SNRNP200: variants seen among roughly 807,000 people sequenced by gnomAD.
SNRNP200 encodes small nuclear ribonucleoprotein U5 subunit 200.
SNRNP200 carries 66 observed loss-of-function variants against 255.2 expected under a neutral mutation model. The ratio of observed to expected loss-of-function variants is 0.26; its 90% CI spans 0.21 to 0.32. The LOEUF (loss-of-function observed/expected upper bound fraction) is 0.32, where lower values mean the gene tolerates loss of function less well. Among genes scored for constraint, SNRNP200 ranks in the 10% least tolerant of loss-of-function variants. The pLI, the probability that SNRNP200 is intolerant of heterozygous loss-of-function variation, is 1.00. For missense variants in SNRNP200, 1,585 were observed against 2,749.8 expected, an observed-to-expected ratio of 0.58 and a Z score of 9.47; for synonymous variants, 939 against 1,027.8, an observed-to-expected ratio of 0.91 and a Z score of 1.65.
Position 96,277,531 on chromosome 2 carries a change from C to T in SNRNP200, c.5931+8G>A. On this transcript the variant is annotated splice_region_variant and intron_variant, in intron 41 of 44. Transcript: ENST00000323853. The surrounding 1 kb of genome is among the most constrained non-coding windows in gnomAD (Gnocchi z 4.4). ...ACCCACCTGACCCTCTAGGCTGACC[C>T]GGCTCACCTTGTCTGTGCAACGTTT... The T allele has an allele frequency of 1.2e-6, 2 of 1,612,322 alleles. No individual in the cohort carries two copies. Among genetic ancestry groups the T allele is most frequent in the Non-Finnish European group, 8.5e-7 (1 of 1,180,024 alleles).
At position 96,281,937 on chromosome 2, in the gene SNRNP200, G is replaced by A. The variant is rs764303474; in HGVS notation, c.4916-15C>T. ...CTGGATAGCCCCTGAGCAGTAGAGG[G>A]GAGAGGAAGGCTGAGGGCAGGGGTC... On this transcript the variant is annotated splice_polypyrimidine_tract_variant and intron_variant, in intron 34 of 44. Coordinates refer to ENST00000323853, the MANE Select transcript of SNRNP200 (RefSeq NM_014014.5). 4 of 1,605,348 alleles carry A rather than the reference G, an allele frequency of 2.5e-6. No individual in the cohort carries two copies. The highest frequency in any genetic ancestry group is 3.4e-6 in the Non-Finnish European group (4 of 1,172,224).
In SNRNP200 at chr2:96,285,264, T is replaced by A. The variant is rs547112938; in HGVS notation, c.4080A>T (p.Ala1360=). 2.9e-4 allele frequency: 472 copies of A among 1,614,172 alleles called. 7 individuals are homozygous for A. The South Asian group carries it at 4.9e-3, about 17-fold the overall frequency. Residue 1360 remains alanine (A), a synonymous_variant, in exon 30 of 45, where the codon GCA becomes GCT. Coordinates refer to ENST00000323853, the MANE Select transcript of SNRNP200 (RefSeq NM_014014.5). The part of the protein sequence containing the change: ...APTGSGKTIC[A]EFAILRMLLQ... ...GCAGCATTCGCAGGATGGCAAACTC[T>A]GCACAAATAGTCTTCCCGCTGCCCG...
chr2:96,283,088 T>C lies in SNRNP200; in HGVS notation c.4915+113A>G. The C allele has an allele frequency of 7.2e-7, 1 of 1,382,366 alleles. No individual in the cohort carries two copies. The highest frequency in any genetic ancestry group is 1.0e-6 in the Non-Finnish European group (1 of 981,880). 85.6% of individuals were successfully genotyped at this position (1,382,366 alleles called of 1,614,324 possible). A position where few individuals can be genotyped will look rare whatever the true frequency, so the allele number is the denominator to read the frequency against. ...TAACAGCCAAGAGTCCTAAACAGTATTTTGAAAATCTCTGGTATGCTGTAG... is the reference window on the plus strand; with the variant it reads ...TAACAGCCAAGAGTCCTAAACAGTACTTTGAAAATCTCTGGTATGCTGTAG... On this transcript the variant is annotated intron_variant, in intron 34 of 44. Coordinates refer to ENST00000323853, the MANE Select transcript of SNRNP200 (RefSeq NM_014014.5). The surrounding 1 kb of genome is among the most constrained non-coding windows in gnomAD (Gnocchi z 4.7).
intron 24 of SNRNP200, 66 bp from the exon 25 acceptor site, chr2:96,288,035 A>G: frequency 2.8e-6 from 4 of 1,432,590 alleles, no homozygotes; most frequent in Non-Finnish European, 3.9e-6. Context: ...GAGCCACTCT[A>G]CACACGGTTT....
rs540482400 is a variant in SNRNP200 at position 96,278,001 on chromosome 2, G to C, written c.5611-51C>G. ...GTGATGAACAGGTGACCCTGCCTGA[G>C]ACCAGCTCAGGCCAAAGCACCACGT... On this transcript the variant is annotated intron_variant, in intron 39 of 44. Transcript: ENST00000323853. This position sits in a 1 kb window ranked among gnomAD's most constrained non-coding sequence, Gnocchi z 6.9. The C allele has an allele frequency of 6.2e-7, 1 of 1,613,540 alleles. No homozygotes were observed. The highest frequency in any genetic ancestry group is 1.7e-5 in the Admixed American group (1 of 60,028).
intron 1 of SNRNP200, 126 bp from the exon 2 acceptor site, chr2:96,304,994 ATATATTTTCCTTAAGAATTGCATAG>A: frequency 9.0e-7 from 1 of 1,113,812 alleles, no homozygotes; most frequent in Non-Finnish European, 1.3e-6. Flanking sequence ...CGTAATAAAA[ATATATTTTCCTTAAGAATTGCATAG>A]TATAACGCTG....
In SNRNP200 at chr2:96,291,300, A is replaced by G; in HGVS notation, c.2421+92T>C. 1.2e-6 allele frequency: 1 copy of G among 824,244 alleles called. No homozygotes were observed. The highest frequency in any genetic ancestry group is 2.2e-6 in the Non-Finnish European group (1 of 462,804). 51.1% of individuals were successfully genotyped at this position (824,244 alleles called of 1,614,324 possible). ...TGGGCTAGCTGGGCCAGAAGCAATAAAGTACCAGGAGCAAACATGGCACAA... is the reference window on the plus strand; with the variant it reads ...TGGGCTAGCTGGGCCAGAAGCAATAGAGTACCAGGAGCAAACATGGCACAA... On this transcript the variant is annotated intron_variant, in intron 18 of 44. Coordinates refer to ENST00000323853, the MANE Select transcript of SNRNP200 (RefSeq NM_014014.5). This position sits in a 1 kb window ranked among gnomAD's most constrained non-coding sequence, Gnocchi z 4.2.
intron 1 of SNRNP200, 38 bp downstream of exon 1, chr2:96,305,355 C>G: frequency 6.2e-7 from 1 of 1,613,640 alleles, no homozygotes; most frequent in Non-Finnish European, 8.5e-7. Context: ...CCCCATTGGA[C>G]TCCTGAGCCT....
rs2063814390 is a variant in SNRNP200 at position 96,283,044 on chromosome 2, T to C, written c.4915+157A>G. On this transcript the variant is annotated intron_variant, in intron 34 of 44. Coordinates refer to ENST00000323853, the MANE Select transcript of SNRNP200 (RefSeq NM_014014.5). This position sits in a 1 kb window ranked among gnomAD's most constrained non-coding sequence, Gnocchi z 4.7. ...TTGTCTCACCTGCCTCACGAGGTTCTTGGGAGGATCAAATGAGTTAACAGC... is the reference window on the plus strand; with the variant it reads ...TTGTCTCACCTGCCTCACGAGGTTCCTGGGAGGATCAAATGAGTTAACAGC... 14 of 955,732 alleles carry C rather than the reference T, an allele frequency of 1.5e-5. No homozygotes were observed. The highest frequency in any genetic ancestry group is 2.1e-5 in the Non-Finnish European group (13 of 612,594). The allele number at this position is 955,732 out of a possible 1,614,324, so 59.2% of individuals were successfully genotyped here.
chr2:96,275,220 T>C (rs373798664), intron 44 of SNRNP200, 37 bp downstream of exon 44: 39 of 1,613,958 alleles, frequency 2.4e-5, no homozygotes, highest in Non-Finnish European at 1.5e-5. Flanking sequence ...CCTTCCCCCA[T>C]GCCAGAACAA....
rs761238930 is a variant in SNRNP200 at position 96,296,980 on chromosome 2, G to A, written c.1468C>T (p.Arg490Cys). ...TTCTCATCCGTCTCAAGGGCAGCAC[G>A]GTAGAGCTTACTCTGGATCCGATTC... ...TLNRIQSKLY[R>C]AALETDENLL... The change falls in exon 12 of 45, where the codon CGT becomes TGT. Residue 490 changes from arginine (R) to cysteine (C), a missense_variant. By Grantham distance (180) the Arg-to-Cys change is radical (BLOSUM62 -3). Around this residue, in one of 9 missense-constraint regions of SNRNP200, gnomAD observed 383 missense variants for 645.3 expected, o/e 0.59. Coordinates refer to ENST00000323853, the MANE Select transcript of SNRNP200 (RefSeq NM_014014.5). 47 of 1,614,098 alleles carry A rather than the reference G, an allele frequency of 2.9e-5. No homozygotes were observed. The highest frequency in any genetic ancestry group is 1.6e-4 in the Middle Eastern group (1 of 6,084).
chr2:96,286,900 A>T lies in SNRNP200; in HGVS notation c.3640-23T>A, dbSNP rs368736206. On this transcript the variant is annotated intron_variant, in intron 27 of 44. Transcript: ENST00000323853. The surrounding 1 kb of genome is among the most constrained non-coding windows in gnomAD (Gnocchi z 4.8). ...CACCTGCCAACAGGAGCAAGGGTAA[A>T]AGGAATGTGAGTCAACGTAGACTGA... The T allele has an allele frequency of 1.5e-5, 24 of 1,614,042 alleles. No homozygotes were observed. Among genetic ancestry groups the T allele is most frequent in the Non-Finnish European group, 2.0e-5 (24 of 1,180,016 alleles).
chr2:96,281,746 G>T (rs1286953721), intron 35 of SNRNP200, 68 bp downstream of exon 35: 2 of 1,219,180 alleles, frequency 1.6e-6, no homozygotes, highest in Non-Finnish European at 2.4e-6. Flanking sequence ...TACTTTCTGT[G>T]TATCTGCAGA....
chr2:96,288,025 G>A, intron 24 of SNRNP200, 56 bp from the exon 25 acceptor site: 1 of 1,500,180 alleles, frequency 6.7e-7, no homozygotes, highest in Non-Finnish European at 9.3e-7. Context: ...CAGGCCTCAT[G>A]AGCCACTCTA....
rs2104331599 is a variant in SNRNP200, at chr2:96,277,925, A to G, written c.5636T>C (p.Leu1879Pro). ...RQLAQKVPHK[L>P]NNPKFNDPHV... ...CGGATCATTGAACTTAGGGTTATTC[A>G]GCTTGTGGGGGACCTTCTGAGCCAA... Residue 1879 changes from leucine (L) to proline (P), a missense_variant, in exon 40 of 45, where the codon CTG becomes CCG. Transcript: ENST00000323853. The surrounding 1 kb of genome is among the most constrained non-coding windows in gnomAD (Gnocchi z 4.4). 6.2e-7 allele frequency: 1 copy of G among 1,614,224 alleles called. No homozygotes were observed. The highest frequency in any genetic ancestry group is 8.5e-7 in the Non-Finnish European group (1 of 1,180,036).
chr2:96,291,321 C>A lies in SNRNP200; in HGVS notation c.2421+71G>T. 1.1e-6 allele frequency: 1 copy of A among 914,466 alleles called. No homozygotes were observed. The allele number at this position is 914,466 out of a possible 1,614,324, so 56.6% of individuals were successfully genotyped here. A position where few individuals can be genotyped will look rare whatever the true frequency, so the allele number is the denominator to read the frequency against. Reference sequence around the variant, plus strand: ...AATAAAGTACCAGGAGCAAACATGGCACAAACTTGACATTGCCCATCTTCT... The same window carrying A: ...AATAAAGTACCAGGAGCAAACATGGAACAAACTTGACATTGCCCATCTTCT... On this transcript the variant is annotated intron_variant, in intron 18 of 44. Transcript: ENST00000323853. This position sits in a 1 kb window ranked among gnomAD's most constrained non-coding sequence, Gnocchi z 4.2.
intron 16 of SNRNP200, among the ~76,000 whole-genome samples, chr2:96,292,215 CAA>C (rs1328081132): frequency 6.6e-6 from 1 of 152,206 alleles, no homozygotes; most frequent in Non-Finnish European, 1.5e-5. Flanking sequence ...AAGCACCTAA[CAA>C]GAGTCAAAGC....
rs1352513285 is a variant in SNRNP200, at chr2:96,291,148, C to G, written c.2421+244G>C. 2.0e-5 allele frequency among the ~76,000 whole-genome samples: 3 copies of G among 152,110 alleles called. No individual in the cohort carries two copies. Among genetic ancestry groups the G allele is most frequent in the African/African-American group, 7.2e-5 (3 of 41,412 alleles). ...TGCCCCCATGAGACACTGTTTGGAG[C>G]TATCTGAAGTCACCAAAGTGCTTGC... is the stretch of plus-strand genomic sequence containing the variant. On this transcript the variant is annotated intron_variant, in intron 18 of 44. Coordinates refer to ENST00000323853, the MANE Select transcript of SNRNP200 (RefSeq NM_014014.5). The surrounding 1 kb of genome is among the most constrained non-coding windows in gnomAD (Gnocchi z 4.2).
In SNRNP200 at chr2:96,298,851, C is replaced by G; in HGVS notation, c.846G>C (p.Ser282=). The G allele has an allele frequency of 2.5e-6, 4 of 1,614,122 alleles. No individual in the cohort carries two copies. Among genetic ancestry groups the G allele is most frequent in the Non-Finnish European group, 3.4e-6 (4 of 1,180,042 alleles). The change falls in exon 7 of 45, where the codon TCG becomes TCC. Residue 282 remains serine (S), a synonymous_variant. Coordinates refer to ENST00000323853, the MANE Select transcript of SNRNP200 (RefSeq NM_014014.5). ...LSRFYDDAIV[S]QKKADEVLEI... ...CCAATACTTCATCTGCCTTCTTCTG[C>G]GACACGATGGCATCATCATAGAAAC...
Sources: gnomAD v4.1 joint callset for allele counts (sites outside exome capture counted in the v4.1 genomes callset) on GRCh38, gnomAD v4.1.1 for gene constraint, gnomAD v4.1.1 regional missense constraint, Gnocchi (gnomAD v3.1) non-coding constraint, MANE v1.5 for transcripts, NCBI Gene and HGNC (gene_info 2026-07-23, HGNC 2026-07-21) for gene names.